Variants in BMPER observed in about 807,000 individuals in gnomAD.
BMPER encodes the protein BMP-binding endothelial regulator protein.
Under a neutral mutation model 87.3 loss-of-function variants are expected in BMPER, and 45 were observed. The ratio of observed to expected loss-of-function variants is 0.52; its 90% CI spans 0.41 to 0.66. The LOEUF is 0.66. Among genes scored for constraint, BMPER ranks in the 30% least tolerant of loss-of-function variants. The pLI, the probability that BMPER is intolerant of heterozygous loss-of-function variation, is 0.00. For missense variants in BMPER, 784 were observed against 867.5 expected (o/e 0.90, Z 1.21); for synonymous variants, 326 against 316.2 (o/e 1.03, Z -0.33).
chr7:34,142,693 T>C (rs562403611), intron 13 of BMPER, among the ~76,000 whole-genome samples: 2 of 152,342 alleles, frequency 1.3e-5, no homozygotes, highest in African/African-American at 4.8e-5. Context: ...AGAAGTGAAT[T>C]CTAATCGTCT....
chr7:34,146,320 G>A (rs1158588967), intron 14 of BMPER, among the ~76,000 whole-genome samples: 1 of 152,096 alleles, frequency 6.6e-6, no homozygotes, highest in Admixed American at 6.6e-5. Context: ...TCAGCCAGGC[G>A]AGAAACTCTA....
chr7:34,129,632 G>GAAAGAAAGAAAGA (rs1562762134), intron 13 of BMPER, among the ~76,000 whole-genome samples: 10 of 145,368 alleles, frequency 6.9e-5, no homozygotes, highest in Non-Finnish European at 1.5e-4. Flanking sequence ...GAGAAAGAGA[G>GAAAGAAAGAAAGA]AAAGAAAGAA....
chr7:34,021,372 A>G (rs780878541), intron 6 of BMPER, among the ~76,000 whole-genome samples: 1 of 152,074 alleles, frequency 6.6e-6, no homozygotes, highest in East Asian at 1.9e-4. Flanking sequence ...CTGAATTCAA[A>G]TCTAATCAAA....
intron 14 of BMPER, among the ~76,000 whole-genome samples, chr7:34,152,296 G>A (rs1791196552): frequency 6.6e-6 from 1 of 152,158 alleles, no homozygotes; most frequent in Non-Finnish European, 1.5e-5. Context: ...CTTGAGGAAT[G>A]AGGGGCGGCC....
At chr7:33,913,334 A>C (rs186407774) in intron 2 of BMPER, among the ~76,000 whole-genome samples, 1 of 152,368 alleles carries the variant, frequency 6.6e-6, no homozygotes, top group African/African-American at 2.4e-5. Flanking sequence ...TAAGGATATC[A>C]GTTCCATTCA....
intron 13 of BMPER, among the ~76,000 whole-genome samples, chr7:34,117,467 C>T (rs1478630328): frequency 6.6e-6 from 1 of 152,152 alleles, no homozygotes; most frequent in African/African-American, 2.4e-5. Flanking sequence ...AAAGTAATAA[C>T]TAATAGAAAA....
At chr7:34,136,087 T>TA (rs1790711284) in intron 13 of BMPER, among the ~76,000 whole-genome samples, 2 of 152,314 alleles carry the variant, frequency 1.3e-5, no homozygotes, top group South Asian at 4.1e-4. Context: ...CAACAATATT[T>TA]AAGCCAGCAT....
At position 34,037,175 on chromosome 7, in the gene BMPER, T is replaced by G. The variant is rs572801881; in HGVS notation, c.577-9131T>G. ...ATTATTGCGCCACTGCACTCTAGCCTGGGTGAGAGAGACAAGTTGTCTCTT... is the reference window on the plus strand; with the variant it reads ...ATTATTGCGCCACTGCACTCTAGCCGGGGTGAGAGAGACAAGTTGTCTCTT... On this transcript the variant is annotated intron_variant, in intron 6 of 14. Coordinates refer to ENST00000649409, the MANE Select transcript of BMPER (RefSeq NM_001365308.1). 1.0e-3 allele frequency among the ~76,000 whole-genome samples: 157 copies of G among 152,238 alleles called. 1 individual carries two copies. The highest frequency in any genetic ancestry group is 2.0e-3 in the Non-Finnish European group (138 of 68,030).
At chr7:34,105,570 TTCCA>T (rs1487857633) in intron 13 of BMPER, among the ~76,000 whole-genome samples, 1 of 152,226 alleles carries the variant, frequency 6.6e-6, no homozygotes, top group Non-Finnish European at 1.5e-5. Context: ...TCTTGTTATT[TTCCA>T]ATGGAGGATG....
In BMPER at chr7:34,153,538, T is replaced by A. The variant is rs1408398668; in HGVS notation, c.*265T>A. ...TAAGCCATTGAACATGTTGTATAAA[T>A]ACACCAGGTGTTTTTAATTTAATAA... is the stretch of plus-strand genomic sequence containing the variant. On this transcript the variant is annotated 3_prime_UTR_variant, in exon 15 of 15. Coordinates refer to ENST00000649409, the MANE Select transcript of BMPER (RefSeq NM_001365308.1). The A allele has an allele frequency of 2.4e-6, 1 of 410,040 alleles. No individual in the cohort carries two copies. Among genetic ancestry groups the A allele is most frequent in the Non-Finnish European group, 4.5e-6 (1 of 224,216 alleles). 25.4% of individuals were successfully genotyped at this position (410,040 alleles called of 1,614,324 possible).
At position 33,921,047 on chromosome 7, in the gene BMPER, G is replaced by A. The variant is rs76977563; in HGVS notation, c.219+14144G>A. Among the ~76,000 whole-genome samples the A allele has an allele frequency of 3.3e-3, 502 of 152,168 alleles. 2 individuals are homozygous for A. The highest frequency in any genetic ancestry group is 0.011 in the African/African-American group (468 of 41,492). ...CAAACCTCCTTTAGTCACCCAATCA[G>A]AATGAACTCACTTGTTCCTTGAAGA... On this transcript the variant is annotated intron_variant, in intron 2 of 14. Coordinates refer to ENST00000649409, the MANE Select transcript of BMPER (RefSeq NM_001365308.1).
chr7:34,136,909 T>A (rs1303058296), intron 13 of BMPER, among the ~76,000 whole-genome samples: 5 of 152,206 alleles, frequency 3.3e-5, no homozygotes, highest in African/African-American at 1.2e-4. Context: ...GGGTAATACA[T>A]CTGTCGTTCA....
chr7:34,097,097 A>G (rs539539541), intron 13 of BMPER, among the ~76,000 whole-genome samples: 2 of 152,328 alleles, frequency 1.3e-5, no homozygotes, highest in East Asian at 3.9e-4. Flanking sequence ...GCTATGAGAA[A>G]CGTACTCTGC....
At chr7:34,027,157 A>G (rs1161846613) in intron 6 of BMPER, among the ~76,000 whole-genome samples, 2 of 152,162 alleles carry the variant, frequency 1.3e-5, no homozygotes, top group African/African-American at 4.8e-5. Flanking sequence ...TATATAAGTC[A>G]GCAGTTCTCA....
Position 34,045,596 on chromosome 7 carries a change from G to A in BMPER, c.577-710G>A, listed in dbSNP as rs149866608. Among the ~76,000 whole-genome samples, 53 of 152,276 alleles carry A rather than the reference G, an allele frequency of 3.5e-4. No homozygotes were observed. The South Asian group carries it at 5.4e-3, about 15-fold the overall frequency. ...TAGGTTTCTGAGACTCTGCCAGTTC[G>A]TCTCATATCAATCTTTATAATCTTA... On this transcript the variant is annotated intron_variant, in intron 6 of 14. Coordinates refer to ENST00000649409, the MANE Select transcript of BMPER (RefSeq NM_001365308.1).
intron 11 of BMPER, among the ~76,000 whole-genome samples, chr7:34,070,156 T>C (rs1788699486): frequency 6.6e-6 from 1 of 152,054 alleles, no homozygotes. Flanking sequence ...GCTAATGTAG[T>C]AGATCTCAGC....
At position 34,113,257 on chromosome 7, in the gene BMPER, A is replaced by G. The variant is rs551971298; in HGVS notation, c.1745+27165A>G. Among the ~76,000 whole-genome samples, 271 of 152,038 alleles carry G rather than the reference A, an allele frequency of 1.8e-3. 2 individuals carry two copies. The Middle Eastern group carries it at 0.024, about 13-fold the overall frequency. ...ATTAAAGATATTAGCCTTTTATAGTATGCTGCAATATTTTTCCCTTTGCCA... is the reference window on the plus strand; with the variant it reads ...ATTAAAGATATTAGCCTTTTATAGTGTGCTGCAATATTTTTCCCTTTGCCA... On this transcript the variant is annotated intron_variant, in intron 13 of 14. Transcript: ENST00000649409.
At chr7:33,976,045 TA>T (rs1174031052) in intron 6 of BMPER, among the ~76,000 whole-genome samples, 19 of 152,244 alleles carry the variant, frequency 1.2e-4, no homozygotes, top group Admixed American at 5.9e-4. Context: ...TAATAATATA[TA>T]AAAAACACAA....
chr7:33,979,018 C>T (rs978557373), intron 6 of BMPER, among the ~76,000 whole-genome samples: 1 of 152,090 alleles, frequency 6.6e-6, no homozygotes, highest in African/African-American at 2.4e-5. Flanking sequence ...CATGTGCACA[C>T]ACCCAAGTGG....
Sources: gnomAD v4.1 joint callset for allele counts (sites outside exome capture counted in the v4.1 genomes callset) on GRCh38, gnomAD v4.1.1 for gene constraint, MANE v1.5 for transcripts, NCBI Gene and HGNC (gene_info 2026-07-23, HGNC 2026-07-21) for gene names.